MRO: variants seen among roughly 807,000 people sequenced by gnomAD.
MRO encodes maestro, also known as protein maestro.
Under a neutral mutation model 31.0 loss-of-function variants are expected in MRO, and 28 were observed. The observed-to-expected ratio is 0.90, with a 90% CI of 0.67 to 1.24. MRO has a LOEUF of 1.24. MRO is among the 50% of genes most tolerant of loss of function. The pLI is 0.00. For missense variants in MRO, 332 were observed against 289.2 expected (o/e 1.15, Z -1.07); for synonymous variants, 108 against 108.4 (o/e 1.00, Z 0.02).
At chr18:50,808,972 C>T (rs1426693288) in intron 3 of MRO, among the ~76,000 whole-genome samples, 1 of 150,586 alleles carries the variant, frequency 6.6e-6, no homozygotes, top group African/African-American at 2.4e-5. Flanking sequence ...CCCGTCTCTA[C>T]TAAAAATACA....
rs114185640 is a variant in MRO at position 50,800,404 on chromosome 18, T to C, written c.586-261A>G. On this transcript the variant is annotated intron_variant, in intron 6 of 7. Coordinates refer to ENST00000398439, the MANE Select transcript of MRO (RefSeq NM_031939.6). ...GTTATTATCCCATCAAAAGTAGTAC[T>C]GGATTCCTAAATTTAATCTCTCTCT... 3.5e-3 allele frequency among the ~76,000 whole-genome samples: 539 copies of C among 152,340 alleles called. 3 individuals are homozygous for C. The highest frequency in any genetic ancestry group is 0.013 in the African/African-American group (521 of 41,578).
chr18:50,796,237 T>C lies in MRO; in HGVS notation c.*3100A>G, dbSNP rs1912780828. 3 of 152,142 alleles carry C rather than the reference T, an allele frequency of 2.0e-5. No homozygotes were observed. The South Asian group carries it at 6.2e-4, about 31-fold the overall frequency. The allele number at this position is 152,142 out of a possible 1,614,324, so 9.4% of individuals were successfully genotyped here. A position where few individuals can be genotyped will look rare whatever the true frequency, so the allele number is the denominator to read the frequency against. The stretch of plus-strand genomic sequence containing the variant: ...GAATGAAATTGGTGACCCTCATTTG[T>C]CAAAATGGGCTCCTCCCAGTAAGGA... On this transcript the variant is annotated 3_prime_UTR_variant, in exon 8 of 8. Transcript: ENST00000398439.
In MRO at chr18:50,819,568, C is replaced by T. The variant is rs1442850327; in HGVS notation, c.-5+13G>A. The T allele has an allele frequency of 3.9e-6, 6 of 1,551,470 alleles. No homozygotes were observed. The Admixed American group carries it at 5.9e-5, about 15-fold the overall frequency. On this transcript the variant is annotated intron_variant, in intron 2 of 7. Coordinates refer to ENST00000398439, the MANE Select transcript of MRO (RefSeq NM_031939.6). ...CGCTGCATCTGGCTGCCCCGGCCAA[C>T]AGTGTCCCTTACCTGCGGCTCCTGC...
In MRO at chr18:50,800,154, T is replaced by TAA; in HGVS notation, c.586-13_586-12dup. The TAA allele has an allele frequency of 1.3e-6, 2 of 1,552,982 alleles. No homozygotes were observed. Among genetic ancestry groups the TAA allele is most frequent in the Non-Finnish European group, 1.8e-6 (2 of 1,127,828 alleles). On this transcript the variant is annotated splice_polypyrimidine_tract_variant and intron_variant, in intron 6 of 7. Coordinates refer to ENST00000398439, the MANE Select transcript of MRO (RefSeq NM_031939.6). ...TGTTGTTTTGCAAGCCTGAGAAAAA[T>TAA]AATATTACTATTTTATTTATTAGAG...
chr18:50,800,984 A>G (rs1393215839), intron 6 of MRO, among the ~76,000 whole-genome samples: 1 of 152,168 alleles, frequency 6.6e-6, no homozygotes, highest in Non-Finnish European at 1.5e-5. Flanking sequence ...AAAAGAAGCC[A>G]TGGGTGGAAA....
chr18:50,800,087 G>C lies in MRO; in HGVS notation c.642C>G (p.Tyr214Ter). 1.9e-6 allele frequency: 3 copies of C among 1,613,838 alleles called. No individual in the cohort carries two copies. Among genetic ancestry groups the C allele is most frequent in the Non-Finnish European group, 2.5e-6 (3 of 1,179,826 alleles). Residue 214 changes from tyrosine to a stop codon, truncating the protein, a stop_gained, in exon 7 of 8, where the codon TAC becomes TAG. Coordinates refer to ENST00000398439, the MANE Select transcript of MRO (RefSeq NM_031939.6). LOFTEE classifies it high-confidence loss of function. The part of the protein sequence containing the change: ...CSPYLKLKEE[Y>*]SFQSEEDQRN... Reference sequence around the variant, plus strand: ...TTTGATCTTCTTCACTCTGGAAGCTGTATTCCTCCTTTAGTTTCAGATATG... The same window carrying C: ...TTTGATCTTCTTCACTCTGGAAGCTCTATTCCTCCTTTAGTTTCAGATATG...
chr18:50,806,350 T>C (rs1913925887), intron 4 of MRO, among the ~76,000 whole-genome samples: 1 of 152,116 alleles, frequency 6.6e-6, no homozygotes, highest in South Asian at 2.1e-4. Context: ...GCCCCCGGCA[T>C]ACAGCAGGCA....
At chr18:50,802,899 TGTGTATGTGTGTGTGTA>T (rs1913501958) in intron 5 of MRO, among the ~76,000 whole-genome samples, 1 of 94,784 alleles carries the variant, frequency 1.1e-5, no homozygotes, top group Non-Finnish European at 2.4e-5. Context: ...AGTGAGTGTT[TGTGTATGTGTGTGTGTA>T]GTGTGTGTGT....
At chr18:50,801,169 C>T (rs568338804) in intron 6 of MRO, among the ~76,000 whole-genome samples, 180 bp downstream of exon 6, 1 of 152,172 alleles carries the variant, frequency 6.6e-6, no homozygotes, top group Admixed American at 6.5e-5. Context: ...GAAACCAACA[C>T]TCTTGCTCAA....
At chr18:50,811,677 T>C (rs1443597951) in intron 2 of MRO, among the ~76,000 whole-genome samples, 4 of 151,968 alleles carry the variant, frequency 2.6e-5, no homozygotes, top group African/African-American at 9.7e-5. Flanking sequence ...TGTGCACAAC[T>C]ATTTGTATCT....
intron 2 of MRO, among the ~76,000 whole-genome samples, chr18:50,812,066 T>C (rs1038526849): frequency 5.9e-5 from 9 of 152,152 alleles, no homozygotes; most frequent in Non-Finnish European, 4.4e-5. Flanking sequence ...TATGTTTAAC[T>C]TTTTGAAGAA....
intron 5 of MRO, among the ~76,000 whole-genome samples, chr18:50,802,698 C>T (rs1913465903): frequency 6.6e-6 from 1 of 151,402 alleles, no homozygotes; most frequent in South Asian, 2.1e-4. Flanking sequence ...CAGAAATTGT[C>T]TTAGGGTTTT....
At chr18:50,804,633 CAAAA>C (rs1378577931) in intron 5 of MRO, among the ~76,000 whole-genome samples, 1 of 151,602 alleles carries the variant, frequency 6.6e-6, no homozygotes, top group South Asian at 2.1e-4. Flanking sequence ...CTCAAACAGA[CAAAA>C]AAACCCTTGA....
upstream of MRO, among the ~76,000 whole-genome samples, chr18:50,821,178 G>A (rs1257098406): frequency 6.6e-6 from 1 of 152,180 alleles, no homozygotes; most frequent in East Asian, 1.9e-4. Flanking sequence ...AATAAAGCCT[G>A]GCCTTGTTTG....
At chr18:50,803,098 G>A (rs1251720989) in intron 5 of MRO, among the ~76,000 whole-genome samples, 1 of 152,128 alleles carries the variant, frequency 6.6e-6, no homozygotes, top group African/African-American at 2.4e-5. Context: ...CTCAGATAGT[G>A]AAGAGTGCTA....
At position 50,805,326 on chromosome 18, in the gene MRO, T is replaced by G. The variant is rs1284676183; in HGVS notation, c.257A>C (p.Tyr86Ser). ...AYEAPDKVRK[Y>S]KKIVLDLLVY... ...CAGCAGGTCGAGGACAATTTTCTTA[T>G]ACTTTCTCACCTGTCACCAAGGTTT... The change falls in exon 5 of 8, where the codon TAT (tyrosine) becomes TCT (serine). Residue 86 changes from tyrosine (Y) to serine (S), a missense_variant. Transcript: ENST00000398439. 6 of 1,613,612 alleles carry G rather than the reference T, an allele frequency of 3.7e-6. No homozygotes were observed. The highest frequency in any genetic ancestry group is 3.3e-5 in the Admixed American group (2 of 59,952).
chr18:50,818,107 C>T (rs1017410870), intron 2 of MRO, among the ~76,000 whole-genome samples: 1 of 151,676 alleles, frequency 6.6e-6, no homozygotes, highest in African/African-American at 2.4e-5. Flanking sequence ...TCTGTTGCAA[C>T]ACAGGATCTC....
Position 50,797,898 on chromosome 18 carries a change from C to T in MRO, c.*1439G>A, listed in dbSNP as rs1321811318. On this transcript the variant is annotated 3_prime_UTR_variant, in exon 8 of 8. Coordinates refer to ENST00000398439, the MANE Select transcript of MRO (RefSeq NM_031939.6). ...AAAATCCATTCCTGCCTGGCACTTG[C>T]CACTCTGTCTGCCATCTCCCACATC... 1 of 152,458 alleles carries T rather than the reference C, an allele frequency of 6.6e-6. No homozygotes were observed. The highest frequency in any genetic ancestry group is 6.5e-5 in the Admixed American group (1 of 15,278). 9.4% of individuals were successfully genotyped at this position (152,458 alleles called of 1,614,324 possible).
Position 50,819,708 on chromosome 18 carries a change from A to G in MRO, c.-126-6T>C. ...ATTTTCCCAGCCCTGAATTCCTAAC[A>G]TACAAGAAGGGAAATTAGGAGGTGA... On this transcript the variant is annotated splice_region_variant and splice_polypyrimidine_tract_variant and intron_variant, in intron 1 of 7. Coordinates refer to ENST00000398439, the MANE Select transcript of MRO (RefSeq NM_031939.6). 1.3e-6 allele frequency: 2 copies of G among 1,549,432 alleles called. No individual in the cohort carries two copies. The highest frequency in any genetic ancestry group is 1.7e-6 in the Non-Finnish European group (2 of 1,145,432).
Sources: allele counts gnomAD v4.1 joint callset (sites outside exome capture counted in the v4.1 genomes callset), GRCh38; gene constraint gnomAD v4.1.1; transcripts MANE v1.5; gene names NCBI Gene and HGNC (gene_info 2026-07-23, HGNC 2026-07-21).